ARNT2: variants seen among roughly 807,000 people sequenced by gnomAD.
ARNT2 encodes the protein ARNT protein 2.
In ARNT2, 36 loss-of-function variants were observed where a neutral mutation model predicts 91.7. The observed-to-expected ratio is 0.39, with a 90% CI of 0.30 to 0.52. The LOEUF (loss-of-function observed/expected upper bound fraction) is 0.52. ARNT2 is among the 20% of genes least tolerant of loss of function. The probability of loss-of-function intolerance (pLI) is 0.72; values close to 1 mark genes in which losing one functional copy is unlikely to be tolerated. For synonymous variants in ARNT2, 365 were observed against 347.1 expected, an observed-to-expected ratio of 1.05 and a Z score of -0.57; for missense variants, 775 against 939.3, an observed-to-expected ratio of 0.83 and a Z score of 2.29.
At chr15:80,565,190 GC>G (rs1898455864) in intron 12 of ARNT2, among the ~76,000 whole-genome samples, 1 of 152,144 alleles carries the variant, frequency 6.6e-6, no homozygotes, top group African/African-American at 2.4e-5. Context: ...TTCCCAAAGT[GC>G]TGGGATTACA....
intron 6 of ARNT2, among the ~76,000 whole-genome samples, chr15:80,508,529 C>T (rs1289850726): frequency 6.6e-6 from 1 of 152,204 alleles, no homozygotes; most frequent in Non-Finnish European, 1.5e-5. Flanking sequence ...TATCACTCTA[C>T]TTCCTACCCA....
At chr15:80,432,522 CTG>C (rs1330366704) in intron 1 of ARNT2, among the ~76,000 whole-genome samples, 4 of 152,218 alleles carry the variant, frequency 2.6e-5, no homozygotes, top group Non-Finnish European at 5.9e-5. Context: ...CATTTATAGA[CTG>C]TGTCTACGGT....
At chr15:80,567,255 C>T (rs1429638100) in intron 12 of ARNT2, among the ~76,000 whole-genome samples, 4 of 151,626 alleles carry the variant, frequency 2.6e-5, no homozygotes, top group African/African-American at 9.7e-5. Flanking sequence ...GGTGAGAGCC[C>T]CAAAGGGAGA....
At position 80,450,993 on chromosome 15, in the gene ARNT2, G is replaced by A. The variant is rs777511006; in HGVS notation, c.145G>A (p.Gly49Arg). The stretch of plus-strand genomic sequence containing the variant: ...TGCCCGTGGAGGAAAGCGGCGTTCC[G>A]GGTAAGCGACCTCAGCGTTTCCAGG... ...MPARGGKRRS[G>R]MDFDDEDGEG... The change falls in exon 2 of 19, where the codon GGA becomes AGA. Residue 49 changes from glycine to arginine, a missense_variant and splice_region_variant. Around this residue, in one of 5 missense-constraint regions of ARNT2, gnomAD observed 79 missense variants for 83.8 expected, o/e 0.94. Transcript: ENST00000303329. 3 of 1,613,070 alleles carry A rather than the reference G, an allele frequency of 1.9e-6. No individual in the cohort carries two copies. Among genetic ancestry groups the A allele is most frequent in the East Asian group, 2.2e-5 (1 of 44,848 alleles).
intron 5 of ARNT2, among the ~76,000 whole-genome samples, chr15:80,487,452 G>A (rs1207545528): frequency 1.3e-5 from 2 of 152,222 alleles, no homozygotes; most frequent in African/African-American, 2.4e-5. Flanking sequence ...GCAGGGAGAT[G>A]GGCCAGAATG....
At chr15:80,518,887 T>C (rs1897485910) in intron 8 of ARNT2, among the ~76,000 whole-genome samples, 1 of 152,118 alleles carries the variant, frequency 6.6e-6, no homozygotes, top group Non-Finnish European at 1.5e-5. Context: ...TCTGGACATA[T>C]TTCAAAATGG....
intron 8 of ARNT2, among the ~76,000 whole-genome samples, chr15:80,522,798 A>ATGTGTG (rs367547537): frequency 7.7e-5 from 11 of 142,498 alleles, no homozygotes; most frequent in Non-Finnish European, 9.0e-5. Flanking sequence ...ATATTTACAT[A>ATGTGTG]TGTGTGTGTG....
chr15:80,509,660 G>A (rs1034314705), intron 6 of ARNT2, among the ~76,000 whole-genome samples: 1 of 152,114 alleles, frequency 6.6e-6, no homozygotes, highest in Non-Finnish European at 1.5e-5. Flanking sequence ...GTTATATAGG[G>A]TGGGAGGGGA....
At chr15:80,546,877 C>T (rs1022698959) in intron 8 of ARNT2, among the ~76,000 whole-genome samples, 1 of 151,822 alleles carries the variant, frequency 6.6e-6, no homozygotes, top group East Asian at 1.9e-4. Context: ...GCAGGAGAAT[C>T]GCTTGAACTC....
intron 10 of ARNT2, 44 bp from the exon 11 acceptor site, chr15:80,555,021 T>C (rs1170918189): frequency 6.4e-7 from 1 of 1,568,194 alleles, no homozygotes. Flanking sequence ...TACAAATAAT[T>C]ACAAATGGAT....
At chr15:80,411,619 G>A (rs1024502978) in intron 1 of ARNT2, among the ~76,000 whole-genome samples, 1 of 152,184 alleles carries the variant, frequency 6.6e-6, no homozygotes, top group Non-Finnish European at 1.5e-5. Flanking sequence ...GACACACAAA[G>A]CTCATCATTC....
Position 80,594,430 on chromosome 15 carries a change from G to A in ARNT2, c.*732G>A, listed in dbSNP as rs1342514558. The A allele has an allele frequency of 6.6e-6, 1 of 152,368 alleles. No individual in the cohort carries two copies. The highest frequency in any genetic ancestry group is 2.4e-5 in the African/African-American group (1 of 41,462). The allele number at this position is 152,368 out of a possible 1,614,324, so 9.4% of individuals were successfully genotyped here. Reference sequence around the variant, plus strand: ...TCAGCACCACCGGCCATGACCAGAGGTTGCTCGGCCCAGGGTCTGGGAGCT... The same window carrying A: ...TCAGCACCACCGGCCATGACCAGAGATTGCTCGGCCCAGGGTCTGGGAGCT... On this transcript the variant is annotated 3_prime_UTR_variant, in exon 19 of 19. Coordinates refer to ENST00000303329, the MANE Select transcript of ARNT2 (RefSeq NM_014862.4).
intron 3 of ARNT2, among the ~76,000 whole-genome samples, chr15:80,467,526 T>C (rs1896672643): frequency 2.0e-5 from 3 of 152,082 alleles, no homozygotes; most frequent in Admixed American, 1.3e-4. Context: ...TGTGGGTGCA[T>C]GGGAGGAAAG....
At chr15:80,551,130 G>C (rs1343746648) in intron 8 of ARNT2, 69 bp from the exon 9 acceptor site, 1 of 1,474,306 alleles carries the variant, frequency 6.8e-7, no homozygotes, top group Non-Finnish European at 9.4e-7. Flanking sequence ...AAATAAAATC[G>C]TGGACACTTT....
chr15:80,412,930 G>A (rs192710536), intron 1 of ARNT2, among the ~76,000 whole-genome samples: 138 of 152,322 alleles, frequency 9.1e-4, no homozygotes, highest in African/African-American at 3.1e-3. Flanking sequence ...CTTACACCCA[G>A]ACGCTGTGCC....
intron 6 of ARNT2, among the ~76,000 whole-genome samples, chr15:80,511,769 C>A (rs978289516): frequency 3.3e-5 from 5 of 151,904 alleles, no homozygotes; most frequent in Admixed American, 1.3e-4. Flanking sequence ...GGGGAAGAAC[C>A]AGCAAAGGAG....
chr15:80,536,853 A>G (rs553528776), intron 8 of ARNT2, among the ~76,000 whole-genome samples: 50 of 152,138 alleles, frequency 3.3e-4, no homozygotes, highest in African/African-American at 1.2e-3. Context: ...TGAGATTTGT[A>G]AAGGGGTAAT....
chr15:80,550,230 G>A (rs1445964769), intron 8 of ARNT2, among the ~76,000 whole-genome samples: 1 of 152,174 alleles, frequency 6.6e-6, no homozygotes, highest in Non-Finnish European at 1.5e-5. Flanking sequence ...ACCTACAGAG[G>A]GTGAATGGAA....
At chr15:80,442,930 T>C in intron 1 of ARNT2, 1 of 985,432 alleles carries the variant, frequency 1.0e-6, no homozygotes. Flanking sequence ...ATCATCTCTT[T>C]CCTCTGGCGT....
Sources: allele counts gnomAD v4.1 joint callset (sites outside exome capture counted in the v4.1 genomes callset), GRCh38; gene constraint gnomAD v4.1.1; regional missense constraint gnomAD v4.1.1; transcripts MANE v1.5; gene names NCBI Gene and HGNC (gene_info 2026-07-23, HGNC 2026-07-21).